Variants in TRIQK observed in about 807,000 individuals in gnomAD.
TRIQK encodes triple QxxK/R motif containing.
In TRIQK, 10 loss-of-function variants were observed where a neutral mutation model predicts 10.8. The observed-to-expected ratio is 0.92, with a 90% CI of 0.57 to 1.57. The LOEUF is 1.57. Ranked by LOEUF, TRIQK falls within the 40% of genes most tolerant of loss-of-function variation. The pLI is 0.00. For missense variants in TRIQK, 107 were observed against 97.7 expected (o/e 1.09, Z -0.40); for synonymous variants, 33 against 33.7 (o/e 0.98, Z 0.07).
Position 92,893,955 on chromosome 8 carries a change from A to AAC in TRIQK, c.62-1883_62-1882dup, listed in dbSNP as rs753474698. On this transcript the variant is annotated intron_variant, in intron 3 of 4. Coordinates refer to ENST00000521988, the MANE Select transcript of TRIQK (RefSeq NM_001171797.2). ...ATTTTGGATAATGTATCTGTCATAAAACACATGCAAATATCTAAGAGTCAA... is the reference window on the plus strand; with the variant it reads ...ATTTTGGATAATGTATCTGTCATAAAACACACATGCAAATATCTAAGAGTCAA... Among the ~76,000 whole-genome samples the AAC allele has an allele frequency of 4.4e-4, 67 of 152,154 alleles. 3 individuals carry two copies. In the South Asian group the frequency reaches 0.013, roughly 31 times the overall value.
rs1816371726 is a variant in TRIQK, at chr8:92,884,553, A to G, written c.*2069T>C. 7.4e-5 allele frequency: 24 copies of G among 322,370 alleles called. No homozygotes were observed. The highest frequency in any genetic ancestry group is 6.4e-4 in the South Asian group (24 of 37,604). 20.0% of individuals were successfully genotyped at this position (322,370 alleles called of 1,614,324 possible). On this transcript the variant is annotated 3_prime_UTR_variant, in exon 5 of 5. Coordinates refer to ENST00000521988, the MANE Select transcript of TRIQK (RefSeq NM_001171797.2). ...ATAATTATACTATATTTAGATTAAT[A>G]GTTATCAAAAACATTTTTCCCCAAA...
chr8:92,971,135 A>G (rs944360642), upstream of TRIQK, among the ~76,000 whole-genome samples: 1 of 151,848 alleles, frequency 6.6e-6, no homozygotes, highest in African/African-American at 2.4e-5. Context: ...TGAGTTCTCT[A>G]TCTGTTCCAT....
Position 92,886,734 on chromosome 8 carries a change from T to G in TRIQK, c.149A>C (p.Glu50Ala). Residue 50 changes from glutamate (E) to alanine (A), a missense_variant and splice_region_variant, in exon 5 of 5, where the codon GAA (glutamate) becomes GCA (alanine). Coordinates refer to ENST00000521988, the MANE Select transcript of TRIQK (RefSeq NM_001171797.2). ...EAKKTAIGIK[E>A]VGLVLAAILA... ...TATAGCTGCAAGTACAAGGCCAACTTCCTGGGAAGAAAAAAAAAGTAGACT... is the reference window on the plus strand; with the variant it reads ...TATAGCTGCAAGTACAAGGCCAACTGCCTGGGAAGAAAAAAAAAGTAGACT... The G allele has an allele frequency of 6.6e-7, 1 of 1,512,942 alleles. No individual in the cohort carries two copies. Among genetic ancestry groups the G allele is most frequent in the Admixed American group, 2.0e-5 (1 of 50,072 alleles). 93.7% of individuals were successfully genotyped at this position (1,512,942 alleles called of 1,614,324 possible).
At chr8:92,908,318 T>C (rs1809389395) in intron 3 of TRIQK, among the ~76,000 whole-genome samples, 1 of 152,204 alleles carries the variant, frequency 6.6e-6, no homozygotes. Flanking sequence ...AGTACTGCTC[T>C]TCCTCTGCCT....
chr8:92,930,947 C>T (rs1810692521), intron 2 of TRIQK, among the ~76,000 whole-genome samples: 1 of 152,112 alleles, frequency 6.6e-6, no homozygotes, highest in African/African-American at 2.4e-5. Context: ...ATGGTATATA[C>T]TTTTATCTCT....
intron 3 of TRIQK, among the ~76,000 whole-genome samples, chr8:92,912,288 G>A (rs1265250200): frequency 2.6e-5 from 4 of 151,430 alleles, no homozygotes; most frequent in Admixed American, 6.6e-5. Context: ...GGAAATTCAC[G>A]AATACATGAA....
chr8:92,966,230 G>A (rs1812744124), upstream of TRIQK: 1 of 152,298 alleles, frequency 6.6e-6, no homozygotes, highest in African/African-American at 2.4e-5. Context: ...GCCGGTCCAG[G>A]ACGCAAAGGC....
At chr8:92,975,860 A>G (rs898691371) in intron 1 of TRIQK, among the ~76,000 whole-genome samples, 1 of 151,906 alleles carries the variant, frequency 6.6e-6, no homozygotes, top group South Asian at 2.1e-4. Context: ...GAATTTGAAC[A>G]TTTTTAAATT....
intron 2 of TRIQK, among the ~76,000 whole-genome samples, chr8:92,952,168 A>G (rs1191515528): frequency 6.6e-6 from 1 of 152,066 alleles, no homozygotes; most frequent in East Asian, 1.9e-4. Context: ...GAAACTTAAA[A>G]TAAATATGAT....
chr8:92,930,630 T>C (rs1250865175), intron 2 of TRIQK, among the ~76,000 whole-genome samples: 2 of 152,096 alleles, frequency 1.3e-5, no homozygotes, highest in Non-Finnish European at 2.9e-5. Flanking sequence ...TACCATTAGC[T>C]TCAGGGATTC....
intron 2 of TRIQK, among the ~76,000 whole-genome samples, chr8:92,924,490 A>C (rs572273889): frequency 9.2e-5 from 14 of 152,134 alleles, no homozygotes; most frequent in South Asian, 6.2e-4. Flanking sequence ...ATTTGCTTTA[A>C]ATGTCTTTTC....
chr8:92,923,881 T>A (rs1810309477), intron 2 of TRIQK, among the ~76,000 whole-genome samples: 2 of 151,912 alleles, frequency 1.3e-5, no homozygotes, highest in Non-Finnish European at 2.9e-5. Flanking sequence ...CATTTATACC[T>A]TTTTTATGAA....
intron 3 of TRIQK, among the ~76,000 whole-genome samples, chr8:92,900,123 C>G (rs1376631823): frequency 6.6e-6 from 1 of 152,128 alleles, no homozygotes; most frequent in Non-Finnish European, 1.5e-5. Flanking sequence ...ATTGGGTTGT[C>G]TGAGCTCTTC....
At chr8:93,003,381 C>T (rs754421784) in intron 1 of TRIQK, among the ~76,000 whole-genome samples, 16 of 149,314 alleles carry the variant, frequency 1.1e-4, no homozygotes, top group Admixed American at 3.3e-4. Context: ...ACAAGCAGAT[C>T]TCATGACAGC....
At chr8:92,900,752 G>A (rs988742768) in intron 3 of TRIQK, among the ~76,000 whole-genome samples, 3 of 151,892 alleles carry the variant, frequency 2.0e-5, no homozygotes, top group Admixed American at 6.6e-5. Context: ...TAAATGTTAG[G>A]ATTACTTTTT....
In TRIQK at chr8:92,915,649, G is replaced by T. The variant is rs957196370; in HGVS notation, c.61+1280C>A. Among the ~76,000 whole-genome samples, 25 of 95,772 alleles carry T rather than the reference G, an allele frequency of 2.6e-4. 1 individual carries two copies. Among genetic ancestry groups the T allele is most frequent in the South Asian group, 1.4e-3 (3 of 2,222 alleles). 62.8% of individuals were successfully genotyped at this position (95,772 alleles called of 152,430 possible). A position where few individuals can be genotyped will look rare whatever the true frequency, so the allele number is the denominator to read the frequency against. On this transcript the variant is annotated intron_variant, in intron 3 of 4. Coordinates refer to ENST00000521988, the MANE Select transcript of TRIQK (RefSeq NM_001171797.2). ...TGGGACTACAGGCGCCCATCACGAC[G>T]CCCGGCTAATTTTTTTTTTTTTTGT...
intron 2 of TRIQK, among the ~76,000 whole-genome samples, chr8:92,935,511 A>T (rs561944383): frequency 6.6e-6 from 1 of 151,842 alleles, no homozygotes; most frequent in East Asian, 1.9e-4. Context: ...AGCACAAATT[A>T]GAAAAGACAA....
chr8:92,990,597 A>G (rs1216177008), intron 1 of TRIQK, among the ~76,000 whole-genome samples: 1 of 152,242 alleles, frequency 6.6e-6, no homozygotes, highest in East Asian at 1.9e-4. Context: ...TGCAGCCCAC[A>G]GAGGGCAAGC....
At chr8:92,957,577 T>G (rs924628164) in intron 1 of TRIQK, among the ~76,000 whole-genome samples, 10 of 152,026 alleles carry the variant, frequency 6.6e-5, no homozygotes, top group African/African-American at 2.4e-4. Flanking sequence ...AAGTGTTAAT[T>G]TAAACATTGG....
Sources: allele counts gnomAD v4.1 joint callset (sites outside exome capture counted in the v4.1 genomes callset), GRCh38; gene constraint gnomAD v4.1.1; transcripts MANE v1.5; gene names NCBI Gene and HGNC (gene_info 2026-07-23, HGNC 2026-07-21).